The following NUCB2 variants were observed in gnomAD, a reference collection of about 807,000 sequenced individuals.
NUCB2 encodes the protein nucleobindin 2, also known as nucleobindin-2.
In NUCB2, 48 loss-of-function variants were observed where a neutral mutation model predicts 57.9. The ratio of observed to expected loss-of-function variants is 0.83; its 90% CI spans 0.66 to 1.05. NUCB2 has a LOEUF of 1.05. Ranked by LOEUF, NUCB2 falls within the 50% of genes least tolerant of loss-of-function variation. NUCB2 has a pLI of 0.00. For synonymous variants in NUCB2, 139 were observed against 152.1 expected, an observed-to-expected ratio of 0.91 and a Z score of 0.64; for missense variants, 442 against 476.2, an observed-to-expected ratio of 0.93 and a Z score of 0.67.
At chr11:17,342,159 G>T (rs1952324361) in intron 2 of NUCB2, among the ~76,000 whole-genome samples, 3 of 152,154 alleles carry the variant, frequency 2.0e-5, no homozygotes, top group Admixed American at 6.5e-5. Context: ...GATCGGTGAT[G>T]ATATCCCCTT....
intron 5 of NUCB2, 93 bp from the exon 6 acceptor site, chr11:17,309,479 T>C (rs906979417): frequency 8.2e-6 from 6 of 731,090 alleles, no homozygotes; most frequent in Non-Finnish European, 1.3e-5. Context: ...TAAAATCCTA[T>C]AGGAATAAAT....
chr11:17,322,288 T>A (rs1181809778), intron 11 of NUCB2, among the ~76,000 whole-genome samples: 2 of 152,196 alleles, frequency 1.3e-5, no homozygotes, highest in African/African-American at 4.8e-5. Context: ...GATGTAGGTA[T>A]CAAGCTTCAT....
chr11:17,287,817 T>C (rs2052211389), intron 2 of NUCB2, among the ~76,000 whole-genome samples: 2 of 151,946 alleles, frequency 1.3e-5, no homozygotes, highest in Non-Finnish European at 2.9e-5. Flanking sequence ...TTGGCCAACA[T>C]GGTGAAACCC....
downstream of NUCB2, chr11:17,333,760 CT>C (rs1951592466): frequency 6.6e-6 from 1 of 152,168 alleles, no homozygotes; most frequent in Non-Finnish European, 1.5e-5. Flanking sequence ...CCCTCAGAGC[CT>C]TTACTTATAA....
At chr11:17,318,766 C>A (rs1334190556) in intron 11 of NUCB2, among the ~76,000 whole-genome samples, 1 of 137,168 alleles carries the variant, frequency 7.3e-6, no homozygotes, top group African/African-American at 2.7e-5. Flanking sequence ...AAACAAGAAG[C>A]CACGAGTCTA....
At chr11:17,295,845 T>C (rs1463733110) in intron 3 of NUCB2, among the ~76,000 whole-genome samples, 1 of 152,166 alleles carries the variant, frequency 6.6e-6, no homozygotes, top group Non-Finnish European at 1.5e-5. Flanking sequence ...ATCTTCATTG[T>C]CTGAACTATA....
At chr11:17,317,673 ATT>A (rs1565446217) in intron 11 of NUCB2, 2 of 249,534 alleles carry the variant, frequency 8.0e-6, no homozygotes, top group African/African-American at 4.5e-5. Context: ...AGTGTATCCT[ATT>A]AGAAGGCACA....
intron 11 of NUCB2, among the ~76,000 whole-genome samples, chr11:17,328,847 C>T (rs1073443): frequency 0.23 from 35,186 of 152,064 alleles, 4,884 homozygotes; most frequent in East Asian, 0.35. Context: ...CCTTTACTTT[C>T]CCTCTGCTTT....
intron 11 of NUCB2, among the ~76,000 whole-genome samples, chr11:17,326,552 C>T (rs1263639971): frequency 6.7e-6 from 1 of 148,650 alleles, no homozygotes; most frequent in Non-Finnish European, 1.5e-5. Flanking sequence ...CTCCCAGCCT[C>T]AAGTGATCTG....
intron 2 of NUCB2, among the ~76,000 whole-genome samples, chr11:17,346,206 G>A (rs1952724524): frequency 6.6e-6 from 1 of 152,188 alleles, no homozygotes; most frequent in Admixed American, 6.5e-5. Context: ...CTAGTAAGTG[G>A]TTATCCACCT....
At chr11:17,328,744 G>C (rs1951007475) in intron 11 of NUCB2, among the ~76,000 whole-genome samples, 1 of 152,152 alleles carries the variant, frequency 6.6e-6, no homozygotes, top group Non-Finnish European at 1.5e-5. Flanking sequence ...TGCTGTCCAA[G>C]AGCCAAGGCC....
chr11:17,283,929 C>CT (rs1450857819), intron 2 of NUCB2, among the ~76,000 whole-genome samples: 7 of 152,164 alleles, frequency 4.6e-5, no homozygotes, highest in Non-Finnish European at 8.8e-5. Context: ...TTCCTTTCTT[C>CT]TTTTTTTAAC....
chr11:17,313,884 T>C (rs773996344), intron 10 of NUCB2, among the ~76,000 whole-genome samples: 11 of 152,086 alleles, frequency 7.2e-5, no homozygotes, highest in Non-Finnish European at 1.2e-4. Flanking sequence ...CCTTAAGTGA[T>C]AGTGTGGAGC....
chr11:17,277,264 G>A (rs868863288), intron 1 of NUCB2, among the ~76,000 whole-genome samples: 1 of 152,186 alleles, frequency 6.6e-6, no homozygotes, highest in Admixed American at 6.6e-5. Context: ...GTCTGGTTAA[G>A]CCAGCAACCT....
Position 17,310,976 on chromosome 11 carries a change from A to T in NUCB2, c.635A>T (p.Lys212Ile), listed in dbSNP as rs781601573. Residue 212 changes from lysine (K) to isoleucine (I), a missense_variant, in exon 7 of 14, where the codon AAA (lysine) becomes ATA (isoleucine). Lys to Ile is a moderately radical substitution (Grantham distance 102). Transcript: ENST00000529010. ...GAGTCTAAATTTGAAGAAATGAAGA[A>T]AAAGCATGAAAATCACCCTAAAGTT... ...EEESKFEEMK[K>I]KHENHPKVNH... The T allele has an allele frequency of 6.3e-7, 1 of 1,582,070 alleles. No individual in the cohort carries two copies. The highest frequency in any genetic ancestry group is 8.5e-7 in the Non-Finnish European group (1 of 1,172,408).
chr11:17,290,369 A>G (rs372268535), intron 2 of NUCB2, among the ~76,000 whole-genome samples: 12 of 152,222 alleles, frequency 7.9e-5, no homozygotes, highest in Admixed American at 5.2e-4. Context: ...TACACATAAC[A>G]AAGACTATGT....
At chr11:17,282,240 A>ATCTATC (rs1206325646) in intron 1 of NUCB2, among the ~76,000 whole-genome samples, 36 of 107,032 alleles carry the variant, frequency 3.4e-4, no homozygotes, top group Admixed American at 1.9e-3. Context: ...ATCTATCTAT[A>ATCTATC]TATATATATA....
chr11:17,336,753 C>CAAAAAAAAAAA (rs71047542), downstream of NUCB2, among the ~76,000 whole-genome samples: 1 of 47,416 alleles, frequency 2.1e-5, no homozygotes, highest in Admixed American at 4.1e-4. Flanking sequence ...GACTCCGTCT[C>CAAAAAAAAAAA]AAAAAAAAAA....
In NUCB2 at chr11:17,306,820, G is replaced by A. The variant is rs143970984; in HGVS notation, c.380-2752G>A. ...CTAGCTACTTGGGAGGCTGAAGAAG[G>A]AGAATCGCTTGAACACAGGAGGCGG... On this transcript the variant is annotated intron_variant, in intron 5 of 13. Coordinates refer to ENST00000529010, the MANE Select transcript of NUCB2 (RefSeq NM_005013.4). 3.2e-4 allele frequency among the ~76,000 whole-genome samples: 48 copies of A among 151,884 alleles called. No homozygotes were observed. The East Asian group carries it at 8.9e-3, about 28-fold the overall frequency.
Sources: allele counts gnomAD v4.1 joint callset (sites outside exome capture counted in the v4.1 genomes callset), GRCh38; gene constraint gnomAD v4.1.1; transcripts MANE v1.5; gene names NCBI Gene and HGNC (gene_info 2026-07-23, HGNC 2026-07-21).